CTNNA2: variants seen among roughly 807,000 people sequenced by gnomAD.
The protein encoded by CTNNA2 is catenin alpha 2, also known as catenin alpha-2.
Under a neutral mutation model 101.0 loss-of-function variants are expected in CTNNA2, and 42 were observed. The observed-to-expected ratio is 0.42, with a 90% CI of 0.32 to 0.54. The LOEUF is 0.54. Ranked by LOEUF, CTNNA2 falls within the 20% of genes least tolerant of loss-of-function variation. The pLI is 0.14. For synonymous variants in CTNNA2, 450 were observed against 456.4 expected (o/e 0.99, Z 0.18); for missense variants, 871 against 1,223.1 (o/e 0.71, Z 4.29).
chr2:79,614,438 C>T (rs1472499071), intron 1 of CTNNA2, among the ~76,000 whole-genome samples: 2 of 151,862 alleles, frequency 1.3e-5, no homozygotes, highest in African/African-American at 4.8e-5. Flanking sequence ...TAGTTATAAC[C>T]AGGGAAAGAT....
intron 4 of CTNNA2, among the ~76,000 whole-genome samples, chr2:79,393,230 C>T (rs1337230674): frequency 6.6e-6 from 1 of 152,142 alleles, no homozygotes; most frequent in Non-Finnish European, 1.5e-5. Flanking sequence ...GACTAGAACA[C>T]CAGGTAGCAG....
At chr2:79,630,454 A>G (rs1468027749) in intron 1 of CTNNA2, among the ~76,000 whole-genome samples, 1 of 152,196 alleles carries the variant, frequency 6.6e-6, no homozygotes. Flanking sequence ...AGAAACACAC[A>G]TTGACATTGA....
At chr2:80,188,944 CTTTTTTTTTTTTT>C (rs34090029) in intron 7 of CTNNA2, among the ~76,000 whole-genome samples, 1 of 74,686 alleles carries the variant, frequency 1.3e-5, no homozygotes, top group Non-Finnish European at 2.3e-5. Flanking sequence ...CAGGTGGTCA[CTTTTTTTTTTTTT>C]TTTTTTTTTT....
At chr2:79,624,430 G>GT (rs1353390646) in intron 1 of CTNNA2, among the ~76,000 whole-genome samples, 2 of 152,006 alleles carry the variant, frequency 1.3e-5, no homozygotes, top group African/African-American at 4.8e-5. Context: ...ATTGAAGAAT[G>GT]TTTACCAGGT....
intron 2 of CTNNA2, among the ~76,000 whole-genome samples, chr2:79,221,013 C>T (rs17755611): frequency 0.09 from 13,687 of 152,252 alleles, 697 homozygotes; most frequent in Middle Eastern, 0.19. Context: ...ACTTTGTTAA[C>T]TCAGCAGTGA....
chr2:80,192,807 C>T (rs1330967821), intron 7 of CTNNA2, among the ~76,000 whole-genome samples: 1 of 152,236 alleles, frequency 6.6e-6, no homozygotes, highest in Non-Finnish European at 1.5e-5. Context: ...GCCACCGCAC[C>T]CGTGCACTAA....
At chr2:80,308,560 C>T (rs1389094701) in intron 7 of CTNNA2, among the ~76,000 whole-genome samples, 3 of 152,112 alleles carry the variant, frequency 2.0e-5, no homozygotes, top group African/African-American at 7.2e-5. Context: ...TCAAAAGGTG[C>T]ATGGAGAGGC....
intron 7 of CTNNA2, among the ~76,000 whole-genome samples, chr2:79,939,474 T>G (rs1688002176): frequency 6.6e-6 from 1 of 152,220 alleles, no homozygotes; most frequent in African/African-American, 2.4e-5. Flanking sequence ...TGAGTTTTTT[T>G]TCCTTAATAT....
In CTNNA2 at chr2:79,727,242, C is replaced by A. The variant is rs376807547; in HGVS notation, c.103-17145C>A. Among the ~76,000 whole-genome samples, 28 of 152,246 alleles carry A rather than the reference C, an allele frequency of 1.8e-4. No individual in the cohort carries two copies. The South Asian group carries it at 5.8e-3, about 32-fold the overall frequency. On this transcript the variant is annotated intron_variant, in intron 2 of 18. Transcript: ENST00000402739. ...TTTAGTGGTACTATACAAATATATTCAGATTGAAAGCTTGTTAAAAACACA... is the reference window on the plus strand; with the variant it reads ...TTTAGTGGTACTATACAAATATATTAAGATTGAAAGCTTGTTAAAAACACA...
chr2:80,454,707 G>A (rs1025508705), intron 9 of CTNNA2, among the ~76,000 whole-genome samples: 8 of 152,168 alleles, frequency 5.3e-5, no homozygotes, highest in African/African-American at 1.4e-4. Flanking sequence ...GGCAGCATGC[G>A]GCACACTTGG....
intron 2 of CTNNA2, among the ~76,000 whole-genome samples, chr2:79,252,175 A>G (rs1674781697): frequency 6.6e-6 from 1 of 152,188 alleles, no homozygotes; most frequent in Admixed American, 6.5e-5. Context: ...CTGCAAGAAT[A>G]TAGAGGTAAA....
intron 2 of CTNNA2, among the ~76,000 whole-genome samples, chr2:79,727,846 C>A (rs1182883734): frequency 2.0e-5 from 3 of 150,504 alleles, no homozygotes; most frequent in East Asian, 2.0e-4. Context: ...TTTGTTCTTG[C>A]GATAGTTTAC....
At chr2:80,341,981 A>T (rs960514877) in intron 7 of CTNNA2, among the ~76,000 whole-genome samples, 1 of 152,232 alleles carries the variant, frequency 6.6e-6, no homozygotes, top group Non-Finnish European at 1.5e-5. Context: ...AACCTTAAAA[A>T]CATTGTGCTA....
intron 3 of CTNNA2, among the ~76,000 whole-genome samples, chr2:79,744,846 T>G (rs1354514851): frequency 6.6e-6 from 1 of 152,160 alleles, no homozygotes; most frequent in East Asian, 1.9e-4. Context: ...TAAACAGACT[T>G]TGTGTCAAAC....
At chr2:80,375,576 T>C (rs1675870380) in intron 7 of CTNNA2, among the ~76,000 whole-genome samples, 1 of 142,488 alleles carries the variant, frequency 7.0e-6, no homozygotes, top group Non-Finnish European at 1.5e-5. Flanking sequence ...TTTTTTTTTT[T>C]TTTTTTGAGA....
chr2:79,294,946 T>C (rs149079004), intron 2 of CTNNA2, among the ~76,000 whole-genome samples: 3 of 152,106 alleles, frequency 2.0e-5, no homozygotes, highest in Non-Finnish European at 4.4e-5. Context: ...GTATACAATG[T>C]CTTGATGAAC....
Position 79,359,787 on chromosome 2 carries a change from G to GT in CTNNA2, c.-317-14044_-317-14043insT, listed in dbSNP as rs552592994. The stretch of plus-strand genomic sequence containing the variant: ...CCTAGAGCTCTTGACTCAGTCTGAA[G>GT]GTTTTTTTTTTCTGTAATACTACTT... On this transcript the variant is annotated intron_variant, in intron 3 of 21. Coordinates refer to the CTNNA2 transcript ENST00000466387. Among the ~76,000 whole-genome samples, 55 of 149,964 alleles carry GT rather than the reference G, an allele frequency of 3.7e-4. No individual in the cohort carries two copies. The South Asian group carries it at 0.011, about 31-fold the overall frequency.
intron 7 of CTNNA2, among the ~76,000 whole-genome samples, chr2:79,921,719 A>G (rs1686664531): frequency 1.3e-5 from 2 of 152,184 alleles, no homozygotes; most frequent in South Asian, 4.1e-4. Flanking sequence ...TCAGTAATCT[A>G]TTAACTCTGC....
chr2:79,597,937 C>T (rs1021819722), intron 1 of CTNNA2, among the ~76,000 whole-genome samples: 1 of 152,200 alleles, frequency 6.6e-6, no homozygotes, highest in African/African-American at 2.4e-5. Flanking sequence ...ATCCTTTGTG[C>T]TCCACCTGTT....
Sources: allele counts gnomAD v4.1 joint callset (sites outside exome capture counted in the v4.1 genomes callset), GRCh38; gene constraint gnomAD v4.1.1; transcripts MANE v1.5; gene names NCBI Gene and HGNC (gene_info 2026-07-23, HGNC 2026-07-21).